Variants in RIMS1 observed in about 807,000 individuals in gnomAD.
RIMS1 encodes the protein regulating synaptic membrane exocytosis protein 1.
A neutral mutation model predicts 214.1 loss-of-function variants in RIMS1; 83 were observed. The observed-to-expected ratio is 0.39, with a 90% CI of 0.32 to 0.47. The LOEUF is 0.47. RIMS1 is among the 20% of genes least tolerant of loss of function. The pLI, the probability that RIMS1 is intolerant of heterozygous loss-of-function variation, is 0.99. For synonymous variants in RIMS1, 793 were observed against 786.8 expected (o/e 1.01, Z -0.13); for missense variants, 2,050 against 2,161.8 (o/e 0.95, Z 1.03).
chr6:72,119,556 T>A (rs2037792580), intron 4 of RIMS1, among the ~76,000 whole-genome samples: 1 of 151,790 alleles, frequency 6.6e-6, no homozygotes, highest in African/African-American at 2.4e-5. Context: ...CAAATTATAC[T>A]ACAAGGCTAT....
chr6:72,163,592 C>T (rs2045797543), intron 4 of RIMS1, among the ~76,000 whole-genome samples: 1 of 140,848 alleles, frequency 7.1e-6, no homozygotes, highest in Non-Finnish European at 1.6e-5. Flanking sequence ...TGTTAGTTTT[C>T]CTTTTAGCAG....
chr6:72,043,884 A>C (rs913854697), intron 2 of RIMS1, among the ~76,000 whole-genome samples: 4 of 151,654 alleles, frequency 2.6e-5, no homozygotes, highest in Non-Finnish European at 4.4e-5. Flanking sequence ...CATAAAAGAA[A>C]AGTAAAATTA....
At position 72,392,825 on chromosome 6, in the gene RIMS1, T is replaced by C. The variant is rs1183397009; in HGVS notation, c.4618+15T>C. On this transcript the variant is annotated intron_variant, in intron 31 of 33. Coordinates refer to ENST00000521978, the MANE Select transcript of RIMS1 (RefSeq NM_014989.7). ...CCCTGCAATGGGTAAGAATCATTTT[T>C]TTTTTCTACAAGAAAATTGATGTTT... 1.9e-6 allele frequency: 3 copies of C among 1,544,274 alleles called. No individual in the cohort carries two copies. The Admixed American group carries it at 5.2e-5, about 27-fold the overall frequency.
rs1034991463 is a variant in RIMS1 at position 72,265,906 on chromosome 6, C to T, written c.3309-54C>T. The T allele has an allele frequency of 4.6e-5, 59 of 1,289,132 alleles. No homozygotes were observed. The Admixed American group carries it at 5.6e-4, about 12-fold the overall frequency. The allele number at this position is 1,289,132 out of a possible 1,614,324, so 79.9% of individuals were successfully genotyped here. A position where few individuals can be genotyped will look rare whatever the true frequency, so the allele number is the denominator to read the frequency against. On this transcript the variant is annotated intron_variant, in intron 21 of 33. Transcript: ENST00000521978. ...TTACTCTCTAACATGGTCTTCCTTTCTTTGTTTTCTCTGTCTTTCTCTTCT... is the reference window on the plus strand; with the variant it reads ...TTACTCTCTAACATGGTCTTCCTTTTTTTGTTTTCTCTGTCTTTCTCTTCT...
Position 72,005,051 on chromosome 6 carries a change from G to C in RIMS1, c.245+35988G>C, listed in dbSNP as rs1806924042. ...CCATCTTGAATTAATTTTTGTATAAGGTGTAAGGAAGGGATCCAGTTTCAG... is the reference window on the plus strand; with the variant it reads ...CCATCTTGAATTAATTTTTGTATAACGTGTAAGGAAGGGATCCAGTTTCAG... On this transcript the variant is annotated intron_variant, in intron 2 of 33. Coordinates refer to ENST00000521978, the MANE Select transcript of RIMS1 (RefSeq NM_014989.7). Among the ~76,000 whole-genome samples, 4 of 151,286 alleles carry C rather than the reference G, an allele frequency of 2.6e-5. No individual in the cohort carries two copies. The South Asian group carries it at 8.3e-4, about 31-fold the overall frequency.
chr6:72,158,208 A>T lies in RIMS1; in HGVS notation c.472-21367A>T, dbSNP rs187561756. ...CTGTGATGCTTCTGGTAACACATTC[A>T]CTTTTTGTTTGAATCAAAATGCCTT... On this transcript the variant is annotated intron_variant, in intron 4 of 33. Coordinates refer to ENST00000521978, the MANE Select transcript of RIMS1 (RefSeq NM_014989.7). 2.4e-3 allele frequency among the ~76,000 whole-genome samples: 340 copies of T among 140,652 alleles called. 29 individuals carry two copies. Among genetic ancestry groups the T allele is most frequent in the African/African-American group, 7.3e-3 (295 of 40,682 alleles). 92.3% of individuals were successfully genotyped at this position (140,652 alleles called of 152,430 possible). A position where few individuals can be genotyped will look rare whatever the true frequency, so the allele number is the denominator to read the frequency against.
At chr6:72,159,673 C>T (rs2045019934) in intron 4 of RIMS1, among the ~76,000 whole-genome samples, 1 of 140,340 alleles carries the variant, frequency 7.1e-6, no homozygotes, top group Non-Finnish European at 1.6e-5. Flanking sequence ...TTGTTTTTCT[C>T]AGGTTTGTCA....
intron 2 of RIMS1, among the ~76,000 whole-genome samples, chr6:72,006,712 G>A (rs570196445): frequency 3.3e-5 from 5 of 152,350 alleles, no homozygotes; most frequent in African/African-American, 4.8e-5. Flanking sequence ...TATGCCCATG[G>A]AGCCTTGCTC....
Position 71,969,056 on chromosome 6 carries a change from C to A in RIMS1, c.238C>A (p.Pro80Thr), listed in dbSNP as rs780463911. The A allele has an allele frequency of 2.5e-6, 4 of 1,613,970 alleles. No individual in the cohort carries two copies. In the South Asian group the frequency reaches 3.3e-5, roughly 13 times the overall value. ...AAATGCTGAAAACCAGCCCCACCAA[C>A]CTTCACCGTGAGTATGGCATTGGTT... ...PRNAENQPHQ[P>T]SPRLHQQFES... The change falls in exon 2 of 34, where the codon CCT becomes ACT. Residue 80 changes from proline (P) to threonine (T), a missense_variant. Around this residue, in one of 6 missense-constraint regions of RIMS1, gnomAD observed 882 missense variants for 828.9 expected, o/e 1.06. Transcript: ENST00000521978.
chr6:72,192,953 T>C (rs1264027918), intron 6 of RIMS1, among the ~76,000 whole-genome samples: 1 of 152,212 alleles, frequency 6.6e-6, no homozygotes, highest in African/African-American at 2.4e-5. Flanking sequence ...ACACCCAGAA[T>C]AATGCTTTGC....
chr6:71,890,601 C>G (rs975474650), intron 1 of RIMS1, among the ~76,000 whole-genome samples: 2 of 79,140 alleles, frequency 2.5e-5, no homozygotes, highest in African/African-American at 8.8e-5. Flanking sequence ...AAAAAAACTT[C>G]ATAGAGAAAG....
At chr6:72,260,832 C>T in intron 19 of RIMS1, 65 bp downstream of exon 19, 1 of 1,585,302 alleles carries the variant, frequency 6.3e-7, no homozygotes, top group Non-Finnish European at 8.6e-7. Flanking sequence ...TATTATTCTT[C>T]CGTCTCTCCC....
chr6:72,062,195 G>T (rs1685601010), intron 2 of RIMS1, among the ~76,000 whole-genome samples: 1 of 152,086 alleles, frequency 6.6e-6, no homozygotes, highest in Admixed American at 6.5e-5. Flanking sequence ...TTTAAAAGGA[G>T]TCATGAGGCA....
At chr6:72,150,031 G>C (rs949534915) in intron 4 of RIMS1, among the ~76,000 whole-genome samples, 4 of 152,124 alleles carry the variant, frequency 2.6e-5, no homozygotes, top group African/African-American at 7.2e-5. Flanking sequence ...GAAAGGTGAG[G>C]GGGGTGGAGA....
chr6:72,359,435 G>A (rs936725044), intron 29 of RIMS1, among the ~76,000 whole-genome samples: 4 of 151,888 alleles, frequency 2.6e-5, no homozygotes, highest in South Asian at 2.1e-4. Flanking sequence ...AGATAGAATC[G>A]CTCTTGCCAT....
intron 2 of RIMS1, among the ~76,000 whole-genome samples, chr6:72,004,897 G>A (rs557126346): frequency 2.6e-5 from 4 of 151,902 alleles, no homozygotes; most frequent in South Asian, 2.1e-4. Flanking sequence ...TGTCAATTTT[G>A]GCTTTTGTTG....
At chr6:72,023,893 T>C (rs1815516660) in intron 2 of RIMS1, among the ~76,000 whole-genome samples, 1 of 152,162 alleles carries the variant, frequency 6.6e-6, no homozygotes, top group Non-Finnish European at 1.5e-5. Context: ...TCAAGTGTTT[T>C]GCACATAATA....
chr6:72,263,648 A>C, intron 19 of RIMS1: 1 of 985,316 alleles, frequency 1.0e-6, no homozygotes, highest in Non-Finnish European at 1.2e-6. Flanking sequence ...GTTGAAAAGA[A>C]GAGTCGACTG....
At chr6:72,121,119 T>G (rs1172472519) in intron 4 of RIMS1, among the ~76,000 whole-genome samples, 1 of 151,896 alleles carries the variant, frequency 6.6e-6, no homozygotes, top group African/African-American at 2.4e-5. Flanking sequence ...TTACTTAGGA[T>G]TGTCTTGGCA....
Sources: allele counts gnomAD v4.1 joint callset (sites outside exome capture counted in the v4.1 genomes callset), GRCh38; gene constraint gnomAD v4.1.1; regional missense constraint gnomAD v4.1.1; transcripts MANE v1.5; gene names NCBI Gene and HGNC (gene_info 2026-07-23, HGNC 2026-07-21).